PCDHA5: variants seen among roughly 807,000 people sequenced by gnomAD.
PCDHA5 encodes protocadherin alpha-5.
A neutral mutation model predicts 61.6 loss-of-function variants in PCDHA5; 43 were observed. The observed-to-expected ratio is 0.70, with a 90% CI of 0.55 to 0.90. The LOEUF is 0.90. Among genes scored for constraint, PCDHA5 ranks in the 40% least tolerant of loss-of-function variants. The pLI is 0.00. For missense variants in PCDHA5, 1,298 were observed against 1,222.7 expected (o/e 1.06, Z -0.92); for synonymous variants, 627 against 543.9 (o/e 1.15, Z -2.13).
At chr5:140,840,317 G>A (rs193301017) in intron 1 of PCDHA5, among the ~76,000 whole-genome samples, 6 of 151,994 alleles carry the variant, frequency 3.9e-5, no homozygotes, top group East Asian at 1.9e-4. Flanking sequence ...AACTTTGGTC[G>A]ACTCATTTTC....
At chr5:140,927,525 T>C in intron 1 of PCDHA5, 1 of 1,614,088 alleles carries the variant, frequency 6.2e-7, no homozygotes, top group Non-Finnish European at 8.5e-7. Context: ...GCGGGCTACC[T>C]GCCCGCTCAG....
intron 1 of PCDHA5, chr5:140,862,950 G>A (rs559605019): frequency 1.1e-4 from 59 of 541,460 alleles, no homozygotes; most frequent in Non-Finnish European, 2.1e-4. Flanking sequence ...GAGCTGGTGC[G>A]GTATTCAGTG....
intron 1 of PCDHA5, among the ~76,000 whole-genome samples, chr5:140,880,366 C>A (rs2058318245): frequency 6.6e-6 from 1 of 152,052 alleles, no homozygotes; most frequent in African/African-American, 2.4e-5. Flanking sequence ...AGATGAAAAC[C>A]ATGAGAGAAT....
chr5:140,849,573 A>T, intron 1 of PCDHA5: 1 of 1,598,648 alleles, frequency 6.3e-7, no homozygotes. Flanking sequence ...GGTTCCTGTA[A>T]AAGAGGACGC....
chr5:140,829,673 C>G (rs1246503495), intron 1 of PCDHA5: 3 of 1,613,006 alleles, frequency 1.9e-6, no homozygotes, highest in South Asian at 2.2e-5. Flanking sequence ...CCACGAGGAG[C>G]TAGAGCTGCT....
chr5:140,851,530 A>G (rs2042087003), intron 1 of PCDHA5: 6 of 902,946 alleles, frequency 6.6e-6, no homozygotes, highest in Non-Finnish European at 8.1e-6. Context: ...ATGCCTGACA[A>G]TGTAGATAAT....
intron 1 of PCDHA5, among the ~76,000 whole-genome samples, chr5:140,900,657 C>T (rs116775770): frequency 0.011 from 1,723 of 152,294 alleles, 23 homozygotes; most frequent in African/African-American, 0.039. Context: ...CTGCAATGAA[C>T]AATGGGAGTG....
chr5:140,941,421 A>T (rs1399072425), intron 1 of PCDHA5, among the ~76,000 whole-genome samples: 1 of 149,518 alleles, frequency 6.7e-6, no homozygotes, highest in Non-Finnish European at 1.5e-5. Flanking sequence ...GGTTCAAGCA[A>T]TTCTCTGCCT....
At chr5:140,998,130 A>C (rs1226238554) in intron 3 of PCDHA5, among the ~76,000 whole-genome samples, 1 of 152,206 alleles carries the variant, frequency 6.6e-6, no homozygotes, top group Non-Finnish European at 1.5e-5. Context: ...GAATCATAAT[A>C]GCTAACCTGT....
intron 1 of PCDHA5, chr5:140,860,619 CAT>C: frequency 6.6e-6 from 1 of 152,266 alleles, no homozygotes; most frequent in African/African-American, 2.4e-5. Context: ...GAAACATAAA[CAT>C]ATGCAGGAAT....
rs2150409863 is a variant in PCDHA5 at position 140,848,399 on chromosome 5, C to A, written c.2352+24272C>A. 68 of 1,293,766 alleles carry A rather than the reference C, an allele frequency of 5.3e-5. 5 individuals are homozygous for A. In the Admixed American group the frequency reaches 5.7e-4, roughly 11 times the overall value. The allele number at this position is 1,293,766 out of a possible 1,614,324, so 80.1% of individuals were successfully genotyped here. A position where few individuals can be genotyped will look rare whatever the true frequency, so the allele number is the denominator to read the frequency against. The stretch of plus-strand genomic sequence containing the variant: ...TCTTTTTCACTCTCTCTGTGCTGAA[C>A]GATGGCGAACACAGCAGAATGGGAC... On this transcript the variant is annotated intron_variant, in intron 1 of 3. Coordinates refer to ENST00000529859, the MANE Select transcript of PCDHA5 (RefSeq NM_018908.3).
chr5:140,844,193 C>G (rs2150369320), intron 1 of PCDHA5, among the ~76,000 whole-genome samples: 1 of 149,542 alleles, frequency 6.7e-6, no homozygotes, highest in East Asian at 1.9e-4. Flanking sequence ...TCTTATCTGA[C>G]TTTTTAGTGT....
At chr5:140,969,501 A>G (rs2096338220) in intron 1 of PCDHA5, 20 of 1,431,968 alleles carry the variant, frequency 1.4e-5, no homozygotes, top group Non-Finnish European at 1.9e-5. Context: ...CTCTCTAGAA[A>G]AATAGCACTA....
intron 1 of PCDHA5, chr5:140,836,210 T>G (rs2150255516): frequency 2.2e-5 from 36 of 1,613,654 alleles, no homozygotes; most frequent in Admixed American, 6.7e-5. Flanking sequence ...GGCTTTCGTA[T>G]GAGTTGCAAC....
At chr5:140,869,666 A>G (rs2051321419) in intron 1 of PCDHA5, 1 of 1,613,524 alleles carries the variant, frequency 6.2e-7, no homozygotes, top group East Asian at 2.2e-5. Context: ...AATGGTAAGC[A>G]GATTAAAAGA....
Position 140,823,121 on chromosome 5 carries a change from A to G in PCDHA5, c.1346A>G (p.Asp449Gly). The change falls in exon 1 of 4, where the codon GAC (aspartate) becomes GGC (glycine). Residue 449 changes from aspartate to glycine, a missense_variant. Asp to Gly is a moderately conservative substitution (Grantham distance 94, BLOSUM62 -1). Coordinates refer to ENST00000529859, the MANE Select transcript of PCDHA5 (RefSeq NM_018908.3). ...TCTGTGGAAGTGGCCGACGTGAACGACAACGCTCCGGCGTTCGCGCAGCCC... is the reference window on the plus strand; with the variant it reads ...TCTGTGGAAGTGGCCGACGTGAACGGCAACGCTCCGGCGTTCGCGCAGCCC... The part of the protein sequence containing the change: ...SVSVEVADVN[D>G]NAPAFAQPQY... 1 of 1,614,018 alleles carries G rather than the reference A, an allele frequency of 6.2e-7. No individual in the cohort carries two copies. The highest frequency in any genetic ancestry group is 8.5e-7 in the Non-Finnish European group (1 of 1,179,968).
At chr5:141,004,168 C>T (rs2098156227) in intron 3 of PCDHA5, among the ~76,000 whole-genome samples, 1 of 152,226 alleles carries the variant, frequency 6.6e-6, no homozygotes, top group Admixed American at 6.5e-5. Context: ...GCAAAGCCAG[C>T]CAAGTGTCTT....
intron 1 of PCDHA5, chr5:140,966,338 A>C (rs2095992774): frequency 2.5e-6 from 1 of 394,586 alleles, no homozygotes; most frequent in Non-Finnish European, 4.5e-6. Flanking sequence ...CGGCAGGTCC[A>C]GGGTGAAGGA....
Position 141,010,445 on chromosome 5 carries a change from A to C in PCDHA5, c.*508A>C. On this transcript the variant is annotated 3_prime_UTR_variant, in exon 4 of 4. Transcript: ENST00000529859. ...AAGGCAAGAAAACAAAGACAAATAA[A>C]CAGCGGAAGTTATCAGTATGGAGGG... 1.1e-6 allele frequency: 1 copy of C among 944,134 alleles called. No individual in the cohort carries two copies. The highest frequency in any genetic ancestry group is 1.5e-6 in the Non-Finnish European group (1 of 656,048). 58.5% of individuals were successfully genotyped at this position (944,134 alleles called of 1,614,324 possible).
Sources: allele counts gnomAD v4.1 joint callset (sites outside exome capture counted in the v4.1 genomes callset), GRCh38; gene constraint gnomAD v4.1.1; transcripts MANE v1.5; gene names NCBI Gene and HGNC (gene_info 2026-07-23, HGNC 2026-07-21).